The following NXPE4 variants were observed in gnomAD, a reference collection of about 807,000 sequenced individuals.
The protein encoded by NXPE4 is neurexophilin and PC-esterase domain family member 4.
Under a neutral mutation model 33.3 loss-of-function variants are expected in NXPE4, and 42 were observed. That is an observed-to-expected ratio of 1.26 (90% CI 0.98 to 1.63). The LOEUF is 1.63. Among genes scored for constraint, NXPE4 ranks in the 40% most tolerant of loss-of-function variants. The pLI, the probability that NXPE4 is intolerant of heterozygous loss-of-function variation, is 0.00. For missense variants in NXPE4, 709 were observed against 647.6 expected (o/e 1.09, Z -1.03); for synonymous variants, 253 against 234.9 (o/e 1.08, Z -0.71).
the NXPE4 span, among the ~76,000 whole-genome samples, chr11:114,611,316 C>T: frequency 6.6e-6 from 1 of 151,632 alleles, no homozygotes; most frequent in African/African-American, 2.4e-5. Context: ...ATCACTGTTA[C>T]CCAGTGGATA....
chr11:114,604,206 C>T, the NXPE4 span, among the ~76,000 whole-genome samples: 1 of 152,022 alleles, frequency 6.6e-6, no homozygotes, highest in Non-Finnish European at 1.5e-5. Context: ...ATAAGTATTG[C>T]CTTGTGGGTA....
At chr11:114,602,275 AC>A in the NXPE4 span, among the ~76,000 whole-genome samples, 1 of 118,604 alleles carries the variant, frequency 8.4e-6, no homozygotes, top group Non-Finnish European at 1.6e-5. Context: ...TATATATTAT[AC>A]TATATATATG....
chr11:114,594,800 A>C, intron 1 of NXPE4, 31 bp from the exon 2 acceptor site: 1 of 1,118,220 alleles, frequency 8.9e-7, no homozygotes, highest in African/African-American at 1.6e-5. Context: ...ACAAGCACAA[A>C]AACATACAAC....
chr11:114,638,877 G>T, the NXPE4 span, among the ~76,000 whole-genome samples: 2 of 151,634 alleles, frequency 1.3e-5, no homozygotes, highest in East Asian at 1.9e-4. Flanking sequence ...TGCCCCTACT[G>T]GGGGGTGCCT....
At chr11:114,628,418 C>A in the NXPE4 span, among the ~76,000 whole-genome samples, 2 of 152,192 alleles carry the variant, frequency 1.3e-5, no homozygotes, top group Non-Finnish European at 2.9e-5. Context: ...TTCTGAATGA[C>A]TACTGGGTAC....
At chr11:114,609,528 A>G in the NXPE4 span, among the ~76,000 whole-genome samples, 1 of 151,826 alleles carries the variant, frequency 6.6e-6, no homozygotes, top group Non-Finnish European at 1.5e-5. Context: ...CTTCGTGGGT[A>G]ACCACTGTTA....
chr11:114,604,304 A>G, the NXPE4 span, among the ~76,000 whole-genome samples: 2 of 151,994 alleles, frequency 1.3e-5, no homozygotes, highest in African/African-American at 4.8e-5. Flanking sequence ...GTGGGTAACA[A>G]TTCTTACCCT....
upstream of NXPE4, among the ~76,000 whole-genome samples, chr11:114,600,567 T>C (rs1018816974): frequency 3.9e-5 from 6 of 152,036 alleles, no homozygotes; most frequent in Non-Finnish European, 8.8e-5. Context: ...CAAAATAATA[T>C]TTTTCTAAAG....
At chr11:114,602,744 A>T in the NXPE4 span, among the ~76,000 whole-genome samples, 1 of 144,634 alleles carries the variant, frequency 6.9e-6, no homozygotes, top group Non-Finnish European at 1.5e-5. Context: ...ATAATTAAAG[A>T]ATCATATATA....
chr11:114,633,255 A>T, the NXPE4 span, among the ~76,000 whole-genome samples: 2 of 136,004 alleles, frequency 1.5e-5, no homozygotes, highest in South Asian at 2.2e-4. Context: ...TATATAATAT[A>T]TAAGAATGTT....
the NXPE4 span, among the ~76,000 whole-genome samples, chr11:114,609,740 C>G: frequency 6.6e-6 from 1 of 151,718 alleles, no homozygotes; most frequent in African/African-American, 2.4e-5. Context: ...TCATGGATAA[C>G]CACTGTTACC....
At chr11:114,608,643 G>T in the NXPE4 span, among the ~76,000 whole-genome samples, 2 of 151,700 alleles carry the variant, frequency 1.3e-5, no homozygotes, top group African/African-American at 2.4e-5. Flanking sequence ...TTGTTGCCTC[G>T]AGGGTAACCA....
At chr11:114,645,501 C>T in the NXPE4 span, among the ~76,000 whole-genome samples, 1 of 151,976 alleles carries the variant, frequency 6.6e-6, no homozygotes, top group African/African-American at 2.4e-5. Flanking sequence ...AAAACAAAAA[C>T]ATAAATGATA....
At chr11:114,620,761 C>T in the NXPE4 span, among the ~76,000 whole-genome samples, 1 of 152,148 alleles carries the variant, frequency 6.6e-6, no homozygotes, top group Admixed American at 6.5e-5. Context: ...AGTATTGCCT[C>T]ATGTCTAACC....
chr11:114,639,789 T>C, the NXPE4 span, among the ~76,000 whole-genome samples: 314 of 124,108 alleles, frequency 2.5e-3, 1 homozygote, highest in African/African-American at 9.8e-3. Flanking sequence ...AAATATAATA[T>C]ATATTATATT....
chr11:114,675,725 T>G, the NXPE4 span, among the ~76,000 whole-genome samples: 1 of 151,924 alleles, frequency 6.6e-6, no homozygotes, highest in South Asian at 2.1e-4. Flanking sequence ...CCAATGGACT[T>G]TCTAACAGAA....
chr11:114,661,996 G>C, the NXPE4 span, among the ~76,000 whole-genome samples: 2 of 152,168 alleles, frequency 1.3e-5, no homozygotes, highest in East Asian at 3.9e-4. Context: ...AGAATAGAAG[G>C]CTCCACCAAT....
chr11:114,647,194 T>C, the NXPE4 span, among the ~76,000 whole-genome samples: 1 of 152,372 alleles, frequency 6.6e-6, no homozygotes, highest in East Asian at 1.9e-4. Flanking sequence ...CACTGCTATA[T>C]TATTCACCTT....
At position 114,571,139 on chromosome 11, in the gene NXPE4, C is replaced by G; in HGVS notation, c.1434G>C (p.Arg478Ser). 1 of 1,613,658 alleles carries G rather than the reference C, an allele frequency of 6.2e-7. No homozygotes were observed. The highest frequency in any genetic ancestry group is 8.5e-7 in the Non-Finnish European group (1 of 1,179,718). Residue 478 changes from arginine (R) to serine (S), a missense_variant, in exon 6 of 6, where the codon AGG becomes AGC. Coordinates refer to ENST00000375478, the MANE Select transcript of NXPE4 (RefSeq NM_001077639.2). ...ATCTTTCTGCATCATTGTACATCTCCCTGATGTTTTCTGTTTTGATGATAA... is the reference window on the plus strand; with the variant it reads ...ATCTTTCTGCATCATTGTACATCTCGCTGATGTTTTCTGTTTTGATGATAA... The part of the protein sequence containing the change: ...TMVIIKTENI[R>S]EMYNDAERFS...
Sources: gnomAD v4.1 joint callset for allele counts (sites outside exome capture counted in the v4.1 genomes callset) on GRCh38, gnomAD v4.1.1 for gene constraint, MANE v1.5 for transcripts, NCBI Gene and HGNC (gene_info 2026-07-23, HGNC 2026-07-21) for gene names.